Variants in ZNF627 observed in about 807,000 individuals in gnomAD.
ZNF627 encodes zinc finger protein 627.
A neutral mutation model predicts 10.6 loss-of-function variants in ZNF627; 12 were observed. The ratio of observed to expected loss-of-function variants is 1.13; its 90% CI spans 0.73 to 1.84. The LOEUF is 1.84. ZNF627 is among the 40% of genes most tolerant of loss of function. The pLI is 0.00. For synonymous variants in ZNF627, 176 were observed against 187.1 expected, an observed-to-expected ratio of 0.94 and a Z score of 0.48; for missense variants, 504 against 568.4, an observed-to-expected ratio of 0.89 and a Z score of 1.15.
intron 1 of ZNF627, among the ~76,000 whole-genome samples, chr19:11,607,582 G>A (rs1277911994): frequency 4.6e-5 from 7 of 152,152 alleles, no homozygotes; most frequent in Admixed American, 4.6e-4. Flanking sequence ...AGATCTCTAG[G>A]GCAGGGGCAA....
At position 11,606,658 on chromosome 19, in the gene ZNF627, G is replaced by A. The variant is rs193069284; in HGVS notation, c.4-7869G>A. 1.7e-3 allele frequency among the ~76,000 whole-genome samples: 258 copies of A among 152,330 alleles called. 2 individuals carry two copies. The highest frequency in any genetic ancestry group is 4.1e-3 in the African/African-American group (170 of 41,582). ...TCCAGTTCCCACATTTCTCTTCTGCGCTGCCCTAGCAGAGGTTCTCCATGA... is the reference window on the plus strand; with the variant it reads ...TCCAGTTCCCACATTTCTCTTCTGCACTGCCCTAGCAGAGGTTCTCCATGA... On this transcript the variant is annotated intron_variant, in intron 1 of 3. Coordinates refer to ENST00000361113, the MANE Select transcript of ZNF627 (RefSeq NM_145295.4).
chr19:11,617,574 C>CA lies in ZNF627; in HGVS notation c.1072dup (p.Thr358AsnfsTer7). On this transcript the variant is annotated frameshift_variant, in exon 4 of 4. Coordinates refer to ENST00000361113, the MANE Select transcript of ZNF627 (RefSeq NM_145295.4). LOFTEE classifies it low-confidence loss of function (END_TRUNC). ...CATTTCGAATCCATGAAAGGACCCA[C>CA]ACTGGAGAGAAACCCTATGATTGTA... is the stretch of plus-strand genomic sequence containing the variant. The CA allele has an allele frequency of 1.2e-6, 2 of 1,613,908 alleles. No individual in the cohort carries two copies. Among genetic ancestry groups the CA allele is most frequent in the Non-Finnish European group, 1.7e-6 (2 of 1,179,978 alleles).
intron 1 of ZNF627, among the ~76,000 whole-genome samples, chr19:11,605,332 T>G (rs35315480): frequency 1.3e-5 from 2 of 151,612 alleles, no homozygotes; most frequent in Admixed American, 1.3e-4. Flanking sequence ...TGAGCCACCG[T>G]GCCCAGCCTC....
chr19:11,610,172 G>T (rs35875992), intron 1 of ZNF627, among the ~76,000 whole-genome samples: 62,753 of 150,896 alleles, frequency 0.42, 13,291 homozygotes, highest in Non-Finnish European at 0.47. Context: ...TTGAATTCAA[G>T]TCTTTTGAAT....
At position 11,617,291 on chromosome 19, in the gene ZNF627, C is replaced by G; in HGVS notation, c.788C>G (p.Ser263Cys). 1 of 1,613,848 alleles carries G rather than the reference C, an allele frequency of 6.2e-7. No homozygotes were observed. Among genetic ancestry groups the G allele is most frequent in the Non-Finnish European group, 8.5e-7 (1 of 1,180,000 alleles). The part of the protein sequence containing the change: ...CKQCGKAFSC[S>C]KYIRIHERTH... Reference sequence around the variant, plus strand: ...CAGTGTGGGAAAGCTTTCAGTTGTTCCAAGTACATTCGAATCCATGAACGA... The same window carrying G: ...CAGTGTGGGAAAGCTTTCAGTTGTTGCAAGTACATTCGAATCCATGAACGA... Residue 263 changes from serine to cysteine, a missense_variant, in exon 4 of 4, where the codon TCC becomes TGC. By Grantham distance (112) the Ser-to-Cys change is moderately radical. Transcript: ENST00000361113.
At chr19:11,607,531 C>T (rs375618248) in intron 1 of ZNF627, among the ~76,000 whole-genome samples, 1 of 152,150 alleles carries the variant, frequency 6.6e-6, no homozygotes, top group African/African-American at 2.4e-5. Context: ...GTTTCTTCCA[C>T]CAGATACCGT....
chr19:11,613,628 T>G (rs891532293), intron 1 of ZNF627, among the ~76,000 whole-genome samples: 18 of 152,160 alleles, frequency 1.2e-4, no homozygotes, highest in African/African-American at 4.3e-4. Flanking sequence ...AGTGTTGGGA[T>G]TACAGGCGTG....
intron 3 of ZNF627, among the ~76,000 whole-genome samples, chr19:11,615,920 T>C (rs951808990): frequency 1.1e-4 from 16 of 150,944 alleles, no homozygotes; most frequent in Middle Eastern, 3.5e-3. Context: ...GGTTTCACCA[T>C]GTTGGCCAGG....
intron 1 of ZNF627, among the ~76,000 whole-genome samples, chr19:11,601,904 G>T (rs1399825732): frequency 6.6e-6 from 1 of 151,138 alleles, no homozygotes; most frequent in African/African-American, 2.4e-5. Flanking sequence ...TACTCGGGAG[G>T]CTGAGGCAGG....
In ZNF627 at chr19:11,616,953, T is replaced by C. The variant is rs753501444; in HGVS notation, c.450T>C (p.Tyr150=). 2 of 1,614,084 alleles carry C rather than the reference T, an allele frequency of 1.2e-6. No individual in the cohort carries two copies. The highest frequency in any genetic ancestry group is 1.3e-5 in the African/African-American group (1 of 74,944). The change falls in exon 4 of 4, where the codon TAT becomes TAC. Residue 150 remains tyrosine (Y), a synonymous_variant. Transcript: ENST00000361113. ...ACCAGTGTGGACGAGCCTTGAGTTA[T>C]CATCGCTCTTTTCCAGTACGTGAAA... The part of the protein sequence containing the change: ...TRNQCGRALS[Y]HRSFPVRERT...
chr19:11,616,698 T>C lies in ZNF627; in HGVS notation c.195T>C (p.His65=). The C allele has an allele frequency of 6.4e-7, 1 of 1,561,196 alleles. No individual in the cohort carries two copies. The highest frequency in any genetic ancestry group is 8.6e-7 in the Non-Finnish European group (1 of 1,157,126). Residue 65 remains histidine, a synonymous_variant, in exon 4 of 4, where the codon CAT becomes CAC. Coordinates refer to ENST00000361113, the MANE Select transcript of ZNF627 (RefSeq NM_145295.4). Reference sequence around the variant, plus strand: ...TACTTCTCATTTTTCTGACAAGTCATATTCCAGAGAGACTCTGTGAAAGTA... The same window carrying C: ...TACTTCTCATTTTTCTGACAAGTCACATTCCAGAGAGACTCTGTGAAAGTA... ...PFKIPRRNIS[H]IPERLCESKE... is the part of the protein sequence containing the mutation.
intron 1 of ZNF627, among the ~76,000 whole-genome samples, chr19:11,610,596 C>T (rs928648581): frequency 4.3e-4 from 65 of 152,068 alleles, no homozygotes; most frequent in Non-Finnish European, 5.1e-4. Context: ...GAGTAAGACC[C>T]TGTCTAAAAA....
In ZNF627 at chr19:11,617,439, C is replaced by T. The variant is rs567607383; in HGVS notation, c.936C>T (p.Cys312=). 52 of 1,613,710 alleles carry T rather than the reference C, an allele frequency of 3.2e-5. No homozygotes were observed. Among genetic ancestry groups the T allele is most frequent in the Middle Eastern group, 3.3e-4 (2 of 6,060 alleles). The change falls in exon 4 of 4, where the codon TGC becomes TGT. Residue 312 remains cysteine, a synonymous_variant. Transcript: ENST00000361113. ...AGAAACTTTTTGAATGTAAGGAATG[C>T]GGGAAGGCTTTGACTTGTCTTGCAA... The part of the protein sequence containing the change: ...TGEKLFECKE[C]GKALTCLASV...
In ZNF627 at chr19:11,618,009, T is replaced by C. The variant is rs1223993587; in HGVS notation, c.*120T>C. 4 of 829,740 alleles carry C rather than the reference T, an allele frequency of 4.8e-6. No homozygotes were observed. The South Asian group carries it at 6.8e-5, about 14-fold the overall frequency. The allele number at this position is 829,740 out of a possible 1,614,324, so 51.4% of individuals were successfully genotyped here. On this transcript the variant is annotated 3_prime_UTR_variant, in exon 4 of 4. Coordinates refer to ENST00000361113, the MANE Select transcript of ZNF627 (RefSeq NM_145295.4). ...CACAGTGGAGAAAGACCCTGTAAGA[T>C]AATTGGCTTTAAATTACGAGAGACT...
chr19:11,618,604 C>T lies in ZNF627; in HGVS notation c.*715C>T, dbSNP rs761722076. Reference sequence around the variant, plus strand: ...AGCCTGATAGCTACCATGCTGCTGTCAAAACCAACCAGAGGGGAGCTTGTT... The same window carrying T: ...AGCCTGATAGCTACCATGCTGCTGTTAAAACCAACCAGAGGGGAGCTTGTT... On this transcript the variant is annotated 3_prime_UTR_variant, in exon 4 of 4. Transcript: ENST00000361113. The T allele has an allele frequency of 6.6e-6, 1 of 152,160 alleles. No individual in the cohort carries two copies. The highest frequency in any genetic ancestry group is 1.5e-5 in the Non-Finnish European group (1 of 68,034). 9.4% of individuals were successfully genotyped at this position (152,160 alleles called of 1,614,324 possible).
At chr19:11,612,944 C>T (rs565412028) in intron 1 of ZNF627, among the ~76,000 whole-genome samples, 113 of 151,538 alleles carry the variant, frequency 7.5e-4, no homozygotes, top group Middle Eastern at 3.4e-3. Flanking sequence ...AAGTAGGCCG[C>T]GGTGTCTGTT....
intron 3 of ZNF627, among the ~76,000 whole-genome samples, chr19:11,615,903 G>C (rs569316764): frequency 8.1e-5 from 12 of 148,166 alleles, no homozygotes; most frequent in African/African-American, 2.7e-4. Context: ...ATTTTTAGTA[G>C]AGACAGGGTT....
At chr19:11,604,604 T>A (rs1459260542) in intron 1 of ZNF627, among the ~76,000 whole-genome samples, 1 of 152,184 alleles carries the variant, frequency 6.6e-6, no homozygotes, top group Non-Finnish European at 1.5e-5. Flanking sequence ...GGTTCCCAGC[T>A]CCTTCATCCC....
At chr19:11,600,508 T>C (rs988892742) in intron 1 of ZNF627, among the ~76,000 whole-genome samples, 1 of 152,072 alleles carries the variant, frequency 6.6e-6, no homozygotes, top group African/African-American at 2.4e-5. Flanking sequence ...TGTTGTTTTT[T>C]TTTGTGGGGG....
Sources: allele counts gnomAD v4.1 joint callset (sites outside exome capture counted in the v4.1 genomes callset), GRCh38; gene constraint gnomAD v4.1.1; transcripts MANE v1.5; gene names NCBI Gene and HGNC (gene_info 2026-07-23, HGNC 2026-07-21).